Variants in PTPRZ1 observed in about 807,000 individuals in gnomAD.
The protein encoded by PTPRZ1 is receptor-type tyrosine-protein phosphatase zeta.
Under a neutral mutation model 214.1 loss-of-function variants are expected in PTPRZ1, and 82 were observed. The observed-to-expected ratio is 0.38, with a 90% confidence interval of 0.32 to 0.46. PTPRZ1 has a LOEUF of 0.46. Among genes scored for constraint, PTPRZ1 ranks in the 20% least tolerant of loss-of-function variants. The pLI is 1.00. For synonymous variants in PTPRZ1, 945 were observed against 987.9 expected (o/e 0.96, Z 0.81); for missense variants, 2,603 against 2,748.7 (o/e 0.95, Z 1.19).
intron 13 of PTPRZ1, among the ~76,000 whole-genome samples, chr7:122,022,466 G>A (rs907195025): frequency 6.6e-6 from 1 of 152,180 alleles, no homozygotes; most frequent in Non-Finnish European, 1.5e-5. Context: ...AAGGCAGAAG[G>A]AAGAAGCTCC....
chr7:121,883,706 A>C (rs765502353), intron 1 of PTPRZ1, among the ~76,000 whole-genome samples: 1 of 152,204 alleles, frequency 6.6e-6, no homozygotes, highest in Non-Finnish European at 1.5e-5. Context: ...GGCTCACTGC[A>C]ACCTCCACCT....
At chr7:121,901,245 C>T (rs767737484) in intron 1 of PTPRZ1, among the ~76,000 whole-genome samples, 5 of 152,056 alleles carry the variant, frequency 3.3e-5, no homozygotes, top group Non-Finnish European at 7.4e-5. Context: ...ATTTCATTTT[C>T]GTCTTCACAA....
At chr7:121,903,037 T>A (rs1469288298) in intron 1 of PTPRZ1, among the ~76,000 whole-genome samples, 1 of 152,168 alleles carries the variant, frequency 6.6e-6, no homozygotes, top group Non-Finnish European at 1.5e-5. Context: ...TATATATTTG[T>A]TTAATATGGA....
At chr7:121,957,860 T>C (rs1796756462) in intron 2 of PTPRZ1, among the ~76,000 whole-genome samples, 1 of 152,232 alleles carries the variant, frequency 6.6e-6, no homozygotes, top group African/African-American at 2.4e-5. Context: ...TTCCCTATTC[T>C]AAATATAGCT....
chr7:121,903,966 T>TCACACACACA (rs57176542), intron 1 of PTPRZ1, among the ~76,000 whole-genome samples: 6,520 of 123,754 alleles, frequency 0.053, 172 homozygotes, highest in African/African-American at 0.097. Context: ...TCTTTAAATC[T>TCACACACACA]CACACACACA....
chr7:122,012,017 T>C lies in PTPRZ1; in HGVS notation c.2971T>C (p.Ser991Pro). Residue 991 changes from serine (S) to proline (P), a missense_variant, in exon 12 of 30, where the codon TCT becomes CCT. Ser to Pro is a moderately conservative substitution (Grantham distance 74). Around this residue, in one of 6 missense-constraint regions of PTPRZ1, gnomAD observed 1,913 missense variants for 1,914.3 expected, o/e 1.00. Transcript: ENST00000393386. Reference sequence around the variant, plus strand: ...ATTACTGCAGCCTACTCATGCCCTCTCTGGTGATGGGGAATGGTCTGGAGC... The same window carrying C: ...ATTACTGCAGCCTACTCATGCCCTCCCTGGTGATGGGGAATGGTCTGGAGC... ...ASLLQPTHAL[S>P]GDGEWSGASS... 6.2e-7 allele frequency: 1 copy of C among 1,614,228 alleles called. No homozygotes were observed. The highest frequency in any genetic ancestry group is 2.2e-5 in the East Asian group (1 of 44,890).
chr7:121,943,197 T>C (rs934493819), intron 2 of PTPRZ1, among the ~76,000 whole-genome samples: 1 of 152,204 alleles, frequency 6.6e-6, no homozygotes, highest in African/African-American at 2.4e-5. Context: ...GATAATTAAA[T>C]ATTGTGTTAG....
chr7:122,040,881 C>T lies in PTPRZ1; in HGVS notation c.5703C>T (p.Asp1901=). The T allele has an allele frequency of 6.2e-7, 1 of 1,607,158 alleles. No homozygotes were observed. The highest frequency in any genetic ancestry group is 8.5e-7 in the Non-Finnish European group (1 of 1,174,876). The part of the protein sequence containing the change: ...VTQYHYTQWP[D]MGVPEYSLPV... ...AGTATCACTACACGCAGTGGCCTGA[C>T]ATGGGAGTACCAGAGTACTCCCTGC... The change falls in exon 21 of 30, where the codon GAC becomes GAT. Residue 1901 remains aspartate, a synonymous_variant. Coordinates refer to ENST00000393386, the MANE Select transcript of PTPRZ1 (RefSeq NM_002851.3).
At chr7:121,969,289 CAGTGGCTCACGCCTGTAATCCCAGCA>C (rs1797143750) in intron 3 of PTPRZ1, among the ~76,000 whole-genome samples, 1 of 151,974 alleles carries the variant, frequency 6.6e-6, no homozygotes, top group South Asian at 2.1e-4. Context: ...CTGCTGGGCG[CAGTGGCTCACGCCTGTAATCCCAGCA>C]TTTTGGGAGG....
chr7:121,884,285 C>G lies in PTPRZ1; in HGVS notation c.58+10728C>G, dbSNP rs575418067. Among the ~76,000 whole-genome samples, 234 of 151,898 alleles carry G rather than the reference C, an allele frequency of 1.5e-3. 2 individuals carry two copies. The South Asian group carries it at 0.018, about 12-fold the overall frequency. On this transcript the variant is annotated intron_variant, in intron 1 of 29. Transcript: ENST00000393386. Reference sequence around the variant, plus strand: ...TTTATATAAGTATGTTATATGGAAACATATATGTATATGTGCATATATGCA... The same window carrying G: ...TTTATATAAGTATGTTATATGGAAAGATATATGTATATGTGCATATATGCA...
chr7:122,034,188 G>C, intron 16 of PTPRZ1, 73 bp downstream of exon 16: 1 of 1,563,314 alleles, frequency 6.4e-7, no homozygotes, highest in South Asian at 1.1e-5. Flanking sequence ...TCATTTGATA[G>C]ATTATTTTGT....
intron 8 of PTPRZ1, among the ~76,000 whole-genome samples, chr7:121,984,897 C>A (rs1797720195): frequency 1.3e-5 from 2 of 152,058 alleles, no homozygotes; most frequent in South Asian, 4.1e-4. Context: ...GTCACTTGTT[C>A]ATTAAAGAAG....
chr7:121,974,690 A>G (rs1209553728), intron 4 of PTPRZ1, among the ~76,000 whole-genome samples: 2 of 151,790 alleles, frequency 1.3e-5, no homozygotes, highest in Admixed American at 6.6e-5. Context: ...GAGTTTCACT[A>G]TGTTGGCCAG....
chr7:122,021,110 C>A (rs1799002706), intron 13 of PTPRZ1, among the ~76,000 whole-genome samples: 1 of 151,958 alleles, frequency 6.6e-6, no homozygotes, highest in South Asian at 2.1e-4. Context: ...GTAAATAGTG[C>A]TAGTACAAAG....
At position 122,044,655 on chromosome 7, in the gene PTPRZ1, G is replaced by T. The variant is rs890355289; in HGVS notation, c.6084+87G>T. 3 of 1,375,832 alleles carry T rather than the reference G, an allele frequency of 2.2e-6. No individual in the cohort carries two copies. The East Asian group carries it at 7.3e-5, about 33-fold the overall frequency. The allele number at this position is 1,375,832 out of a possible 1,614,324, so 85.2% of individuals were successfully genotyped here. A position where few individuals can be genotyped will look rare whatever the true frequency, so the allele number is the denominator to read the frequency against. On this transcript the variant is annotated intron_variant, in intron 23 of 29. Transcript: ENST00000393386. ...ATTTGAGTTGACAGGGTCACGTTGA[G>T]TGGGCAGTATGGGTACAATGACTTT... is the stretch of plus-strand genomic sequence containing the variant.
chr7:121,893,184 T>C (rs1584609816), intron 1 of PTPRZ1, among the ~76,000 whole-genome samples: 1 of 152,174 alleles, frequency 6.6e-6, no homozygotes, highest in Non-Finnish European at 1.5e-5. Context: ...ACTGAAACTT[T>C]GTCATGTCGT....
At chr7:121,927,463 G>A (rs1053689368) in intron 1 of PTPRZ1, among the ~76,000 whole-genome samples, 1 of 152,120 alleles carries the variant, frequency 6.6e-6, no homozygotes, top group African/African-American at 2.4e-5. Context: ...ATCTTCTTTT[G>A]TCTATCCCTT....
At chr7:121,995,756 A>G (rs900558724) in intron 8 of PTPRZ1, among the ~76,000 whole-genome samples, 10 of 152,204 alleles carry the variant, frequency 6.6e-5, no homozygotes, top group African/African-American at 2.2e-4. Flanking sequence ...CTGGTTGGGA[A>G]TTTTAAATTA....
At chr7:121,980,386 T>C (rs1316677657) in intron 6 of PTPRZ1, among the ~76,000 whole-genome samples, 1 of 152,142 alleles carries the variant, frequency 6.6e-6, no homozygotes, top group African/African-American at 2.4e-5. Context: ...TAAAAAACAT[T>C]CACAGATTAA....
Sources: gnomAD v4.1 joint callset for allele counts (sites outside exome capture counted in the v4.1 genomes callset) on GRCh38, gnomAD v4.1.1 for gene constraint, gnomAD v4.1.1 regional missense constraint, MANE v1.5 for transcripts, NCBI Gene and HGNC (gene_info 2026-07-23, HGNC 2026-07-21) for gene names.